The following ITGA7 variants were observed in gnomAD, a reference collection of about 807,000 sequenced individuals.
ITGA7 encodes integrin subunit alpha 7, also known as integrin alpha-7.
ITGA7 carries 84 observed loss-of-function variants against 131.6 expected under a neutral mutation model. The ratio of observed to expected loss-of-function variants is 0.64; its 90% CI spans 0.54 to 0.77. ITGA7 has a LOEUF of 0.77. Among genes scored for constraint, ITGA7 ranks in the 30% least tolerant of loss-of-function variants. The pLI, the probability that ITGA7 is intolerant of heterozygous loss-of-function variation, is 0.00. For missense variants in ITGA7, 1,399 were observed against 1,482.9 expected, an observed-to-expected ratio of 0.94 and a Z score of 0.93; for synonymous variants, 548 against 600.7, an observed-to-expected ratio of 0.91 and a Z score of 1.28.
chr12:55,696,782 G>A (rs937024722), intron 12 of ITGA7, 117 bp downstream of exon 12: 38 of 1,154,270 alleles, frequency 3.3e-5, no homozygotes, highest in Admixed American at 1.6e-4. Flanking sequence ...GGTTTCCCAC[G>A]TGTCTAGGTC....
chr12:55,698,098 C>T, intron 7 of ITGA7, 72 bp from the exon 8 acceptor site: 1 of 1,341,528 alleles, frequency 7.5e-7, no homozygotes, highest in Non-Finnish European at 1.1e-6. Context: ...CTCAACTCCC[C>T]CCAGTCACTC....
upstream of ITGA7, among the ~76,000 whole-genome samples, chr12:55,708,531 G>A (rs1875705429): frequency 6.6e-6 from 1 of 152,262 alleles, no homozygotes; most frequent in South Asian, 2.1e-4. Context: ...GGGAGATACG[G>A]GGAGCAAATG....
chr12:55,712,992 G>A (rs1320490059), upstream of ITGA7, among the ~76,000 whole-genome samples: 1 of 152,150 alleles, frequency 6.6e-6, no homozygotes, highest in Admixed American at 6.5e-5. Context: ...CCCTGAGTTG[G>A]CCTAATCTTA....
chr12:55,707,898 C>A lies in ITGA7; in HGVS notation c.-216G>T. 7.1e-7 allele frequency: 1 copy of A among 1,410,976 alleles called. No individual in the cohort carries two copies. The highest frequency in any genetic ancestry group is 9.2e-7 in the Non-Finnish European group (1 of 1,086,870). 87.4% of individuals were successfully genotyped at this position (1,410,976 alleles called of 1,614,324 possible). Reference sequence around the variant, plus strand: ...ACAACTACAGCAGCCGCAGCTCCGGCGCCCACTCCGGCTCCCGCCTCCTCT... The same window carrying A: ...ACAACTACAGCAGCCGCAGCTCCGGAGCCCACTCCGGCTCCCGCCTCCTCT... On this transcript the variant is annotated 5_prime_UTR_variant, in exon 1 of 25. Transcript: ENST00000257879.
Position 55,692,906 on chromosome 12 carries a change from G to A in ITGA7, c.2782C>T (p.Gln928Ter). The A allele has an allele frequency of 6.2e-7, 1 of 1,614,114 alleles. No homozygotes were observed. The highest frequency in any genetic ancestry group is 8.5e-7 in the Non-Finnish European group (1 of 1,180,032). The stretch of plus-strand genomic sequence containing the variant: ...GGCCACCAGGACATGCTGGGCTCCT[G>A]CCGCTCACCAGGCTCCTGCTGCTCA... Reference protein sequence around the residue: ...PPEQQEPGERQEPSMSWWPVS... With the variant: ...PPEQQEPGER Residue 928 changes from glutamine to a stop codon, truncating the protein, a stop_gained, in exon 21 of 25, where the codon CAG (glutamine) becomes TAG (stop). Coordinates refer to ENST00000257879, the MANE Select transcript of ITGA7 (RefSeq NM_002206.3). LOFTEE classifies it high-confidence loss of function.
chr12:55,705,701 T>C (rs1179637330), intron 1 of ITGA7, among the ~76,000 whole-genome samples: 1 of 152,260 alleles, frequency 6.6e-6, no homozygotes, highest in African/African-American at 2.4e-5. Flanking sequence ...GGCTATGCAC[T>C]ATTCTAAGCA....
At position 55,684,705 on chromosome 12, in the gene ITGA7, T is replaced by C. The variant is rs1224158056; in HGVS notation, c.*353A>G. 2 of 280,684 alleles carry C rather than the reference T, an allele frequency of 7.1e-6. No homozygotes were observed. The highest frequency in any genetic ancestry group is 6.6e-5 in the East Asian group (1 of 15,114). 17.4% of individuals were successfully genotyped at this position (280,684 alleles called of 1,614,324 possible). On this transcript the variant is annotated 3_prime_UTR_variant, in exon 25 of 25. Transcript: ENST00000257879. ...AGTGACACAACCTCCTCCCCGACCC[T>C]CTAGGTTAAGGCACTTCCGGGGAGG...
upstream of ITGA7, chr12:55,708,033 A>G: frequency 8.6e-7 from 1 of 1,159,404 alleles, no homozygotes; most frequent in East Asian, 6.6e-5. Flanking sequence ...CTGGGATGGA[A>G]ACTAGCCTTG....
At chr12:55,686,461 C>T (rs903648968) in intron 24 of ITGA7, 1 of 396,180 alleles carries the variant, frequency 2.5e-6, no homozygotes, top group African/African-American at 2.1e-5. Context: ...CATCAATCTC[C>T]CCTAAGACTG....
At chr12:55,700,443 C>G in intron 4 of ITGA7, 2 of 1,565,288 alleles carry the variant, frequency 1.3e-6, no homozygotes, top group South Asian at 2.3e-5. Flanking sequence ...AGGAACACCC[C>G]TCAGGCCGGA....
chr12:55,697,508 A>C lies in ITGA7; in HGVS notation c.1448T>G (p.Ile483Ser). ...CTCCAGGTCGATGCTTCGTGGAGCA[A>C]TAGAGACCTCATGGGAGACATGGAG... ...PILHVSHEVS[I>S]APRSIDLEQP... Residue 483 changes from isoleucine (I) to serine (S), a missense_variant, in exon 10 of 25, where the codon ATT becomes AGT. Coordinates refer to ENST00000257879, the MANE Select transcript of ITGA7 (RefSeq NM_002206.3). The C allele has an allele frequency of 6.2e-7, 1 of 1,614,072 alleles. No individual in the cohort carries two copies. The highest frequency in any genetic ancestry group is 2.2e-5 in the East Asian group (1 of 44,882).
In ITGA7 at chr12:55,688,975, C is replaced by G. The variant is rs1555159028; in HGVS notation, c.2845-18G>C. ...GCGCAGTCCTAGGGATAAGGACAGA[C>G]AGGGGTCTAAGCCACTCAGCTCAAC... On this transcript the variant is annotated intron_variant, in intron 21 of 24. Transcript: ENST00000257879. 6.2e-7 allele frequency: 1 copy of G among 1,604,440 alleles called. No homozygotes were observed. The highest frequency in any genetic ancestry group is 8.5e-7 in the Non-Finnish European group (1 of 1,171,412).
At chr12:55,693,461 T>C in intron 19 of ITGA7, 144 bp from the exon 20 acceptor site, 1 of 740,796 alleles carries the variant, frequency 1.3e-6, no homozygotes, top group Non-Finnish European at 2.2e-6. Flanking sequence ...TGGCCTCCTG[T>C]AGTGCTGTGA....
upstream of ITGA7, chr12:55,712,292 T>G: frequency 2.6e-6 from 4 of 1,518,690 alleles, no homozygotes; most frequent in Non-Finnish European, 3.6e-6. Context: ...AAGGGCCCCC[T>G]TTCTTTGAGC....
chr12:55,698,253 A>G, intron 7 of ITGA7, 130 bp downstream of exon 7: 3 of 943,330 alleles, frequency 3.2e-6, no homozygotes, highest in South Asian at 1.7e-5. Flanking sequence ...GGTAAATGGT[A>G]CAGCTCAGAC....
chr12:55,697,810 C>T lies in ITGA7; in HGVS notation c.1294G>A (p.Glu432Lys), dbSNP rs1872981125. 12 of 1,614,012 alleles carry T rather than the reference C, an allele frequency of 7.4e-6. No homozygotes were observed. The South Asian group carries it at 8.8e-5, about 12-fold the overall frequency. ...CCGAAGCTCTTGATGCCCACAGCCT[C>T]GCCCTCCAGCACCTAGAGAACCAGC... ...VAKPSQVLEGEAVGIKSFGYS... is the reference protein window; with the variant it reads ...VAKPSQVLEGKAVGIKSFGYS... The change falls in exon 9 of 25, where the codon GAG (glutamate) becomes AAG (lysine). Residue 432 changes from glutamate (E) to lysine (K), a missense_variant. By Grantham distance (56) the Glu-to-Lys change is moderately conservative. Coordinates refer to ENST00000257879, the MANE Select transcript of ITGA7 (RefSeq NM_002206.3).
upstream of ITGA7, chr12:55,716,370 A>G (rs1411719005): frequency 4.2e-6 from 6 of 1,436,046 alleles, no homozygotes; most frequent in East Asian, 2.7e-5. Flanking sequence ...TCCCTTGCCA[A>G]CTGGCTCCGG....
chr12:55,707,871 G>C lies in ITGA7; in HGVS notation c.-189C>G, dbSNP rs962568329. The C allele has an allele frequency of 3.8e-5, 54 of 1,429,936 alleles. No individual in the cohort carries two copies. Among genetic ancestry groups the C allele is most frequent in the Non-Finnish European group, 4.9e-5 (54 of 1,098,978 alleles). The allele number at this position is 1,429,936 out of a possible 1,614,324, so 88.6% of individuals were successfully genotyped here. The stretch of plus-strand genomic sequence containing the variant: ...CACCCCGCCGCCCCAGCACCGGCTA[G>C]GACAACTACAGCAGCCGCAGCTCCG... On this transcript the variant is annotated 5_prime_UTR_variant, in exon 1 of 25. Transcript: ENST00000257879.
rs1327699722 is a variant in ITGA7, at chr12:55,697,801, C to T, written c.1303G>A (p.Gly435Ser). The change falls in exon 9 of 25, where the codon GGC (glycine) becomes AGC (serine). Residue 435 changes from glycine to serine, a missense_variant. Coordinates refer to ENST00000257879, the MANE Select transcript of ITGA7 (RefSeq NM_002206.3). ...PSQVLEGEAVGIKSFGYSLSG... is the reference protein window; with the variant it reads ...PSQVLEGEAVSIKSFGYSLSG... ...AGGGAGTAGCCGAAGCTCTTGATGC[C>T]CACAGCCTCGCCCTCCAGCACCTAG... is the stretch of plus-strand genomic sequence containing the variant. 1 of 1,614,126 alleles carries T rather than the reference C, an allele frequency of 6.2e-7. No individual in the cohort carries two copies. Among genetic ancestry groups the T allele is most frequent in the Admixed American group, 1.7e-5 (1 of 60,014 alleles).
Sources: gnomAD v4.1 joint callset for allele counts (sites outside exome capture counted in the v4.1 genomes callset) on GRCh38, gnomAD v4.1.1 for gene constraint, MANE v1.5 for transcripts, NCBI Gene and HGNC (gene_info 2026-07-23, HGNC 2026-07-21) for gene names.